ARSJ: variants seen among roughly 807,000 people sequenced by gnomAD.
ARSJ encodes arylsulfatase family member J, also known as arylsulfatase J.
In ARSJ, 26 loss-of-function variants were observed where a neutral mutation model predicts 35.9. That is an observed-to-expected ratio of 0.72 (90% CI 0.53 to 1.00). The LOEUF (loss-of-function observed/expected upper bound fraction) is 1.00. Ranked by LOEUF, ARSJ falls within the 50% of genes least tolerant of loss-of-function variation. ARSJ has a pLI of 0.00. For synonymous variants in ARSJ, 294 were observed against 267.6 expected, an observed-to-expected ratio of 1.10 and a Z score of -0.96; for missense variants, 667 against 723.6, an observed-to-expected ratio of 0.92 and a Z score of 0.90.
chr4:113,967,915 CTT>C (rs1562376473), intron 1 of ARSJ, among the ~76,000 whole-genome samples: 1 of 152,106 alleles, frequency 6.6e-6, no homozygotes, highest in Non-Finnish European at 1.5e-5. Context: ...TCATAAAACA[CTT>C]AACATAGTTT....
rs529842592 is a variant in ARSJ at position 113,907,128 on chromosome 4, G to A, written c.399-3453C>T. Among the ~76,000 whole-genome samples, 18 of 152,216 alleles carry A rather than the reference G, an allele frequency of 1.2e-4. No individual in the cohort carries two copies. The South Asian group carries it at 3.7e-3, about 32-fold the overall frequency. On this transcript the variant is annotated intron_variant, in intron 1 of 1. Coordinates refer to ENST00000315366, the MANE Select transcript of ARSJ (RefSeq NM_024590.4). ...TTAAGAGTTAATATCAGTACTTTTTGAAAAATCAAGGAGCAGAGGAAAGAT... is the reference window on the plus strand; with the variant it reads ...TTAAGAGTTAATATCAGTACTTTTTAAAAAATCAAGGAGCAGAGGAAAGAT...
intron 1 of ARSJ, among the ~76,000 whole-genome samples, chr4:113,973,676 C>T (rs183906594): frequency 3.3e-5 from 5 of 152,270 alleles, no homozygotes; most frequent in East Asian, 1.9e-4. Context: ...CGCCCTCTCT[C>T]GTTAAACCTT....
At chr4:113,908,598 A>G (rs551293752) in intron 1 of ARSJ, among the ~76,000 whole-genome samples, 1 of 152,262 alleles carries the variant, frequency 6.6e-6, no homozygotes, top group African/African-American at 2.4e-5. Context: ...ATATAAAGGC[A>G]GTGTGCAAAT....
intron 1 of ARSJ, among the ~76,000 whole-genome samples, chr4:113,940,589 T>G (rs1725089598): frequency 6.6e-6 from 1 of 151,420 alleles, no homozygotes; most frequent in Non-Finnish European, 1.5e-5. Context: ...CAAACCACCG[T>G]GGCACACGTT....
At chr4:113,969,208 T>C (rs1269340909) in intron 1 of ARSJ, among the ~76,000 whole-genome samples, 1 of 152,186 alleles carries the variant, frequency 6.6e-6, no homozygotes, top group Admixed American at 6.5e-5. Flanking sequence ...CTGCCAAACA[T>C]GACAACCAAC....
At position 113,978,607 on chromosome 4, in the gene ARSJ, G is replaced by A; in HGVS notation, c.228C>T (p.Pro76=). Reference sequence around the variant, plus strand: ...CATCCGCTAGGATGAAAATGAGATGGGGCTGGGAGGTGGAAGTTGTGCTGG... The same window carrying A: ...CATCCGCTAGGATGAAAATGAGATGAGGCTGGGAGGTGGAAGTTGTGCTGG... ...LEPSTTSTSQ[P]HLIFILADDQ... is the part of the protein sequence containing the mutation. The change falls in exon 1 of 2, where the codon CCC becomes CCT. Residue 76 remains proline (P), a synonymous_variant. Coordinates refer to ENST00000315366, the MANE Select transcript of ARSJ (RefSeq NM_024590.4). 6.2e-7 allele frequency: 1 copy of A among 1,614,118 alleles called. No individual in the cohort carries two copies. Among genetic ancestry groups the A allele is most frequent in the Middle Eastern group, 1.6e-4 (1 of 6,062 alleles).
rs372977051 is a variant in ARSJ at position 113,903,548 on chromosome 4, T to A, written c.526A>T (p.Lys176Ter). ...TTTCTGTAAAAACCCAAGTGCCATT[T>A]TCCGACCATATGCGTTGAATATCCA... Reference protein sequence around the residue: ...EVGYSTHMVGKWHLGFYRKEC... With the variant: ...EVGYSTHMVG Residue 176 changes from lysine (K) to a stop codon, truncating the protein, a stop_gained, in exon 2 of 2, where the codon AAA (lysine) becomes TAA (stop). Transcript: ENST00000315366. LOFTEE classifies it high-confidence loss of function. The A allele has an allele frequency of 6.7e-5, 108 of 1,614,106 alleles. No homozygotes were observed. The highest frequency in any genetic ancestry group is 8.6e-5 in the Non-Finnish European group (102 of 1,180,038).
intron 1 of ARSJ, among the ~76,000 whole-genome samples, chr4:113,908,519 T>G (rs1262339932): frequency 2.0e-5 from 3 of 152,182 alleles, no homozygotes; most frequent in Admixed American, 1.3e-4. Context: ...ATCTGAGAAG[T>G]TGAATATATC....
chr4:113,905,067 G>T (rs2099668308), intron 1 of ARSJ, among the ~76,000 whole-genome samples: 1 of 152,046 alleles, frequency 6.6e-6, no homozygotes, highest in Admixed American at 6.5e-5. Flanking sequence ...CTTTCCAGTG[G>T]TATTTGCCAA....
chr4:113,931,061 A>T (rs1724414793), intron 1 of ARSJ, among the ~76,000 whole-genome samples: 1 of 152,052 alleles, frequency 6.6e-6, no homozygotes, highest in African/African-American at 2.4e-5. Flanking sequence ...GCATTGGGAG[A>T]TATACCTAAT....
At chr4:113,948,505 A>G (rs773543615) in intron 1 of ARSJ, among the ~76,000 whole-genome samples, 7 of 152,122 alleles carry the variant, frequency 4.6e-5, no homozygotes, top group Non-Finnish European at 7.4e-5. Context: ...AGGCAGCTTT[A>G]TTTATTTTAA....
intron 1 of ARSJ, among the ~76,000 whole-genome samples, chr4:113,942,477 T>A: frequency 6.6e-6 from 1 of 152,022 alleles, no homozygotes; most frequent in East Asian, 1.9e-4. Flanking sequence ...CCAAATAAAC[T>A]CCAAACAATA....
intron 1 of ARSJ, among the ~76,000 whole-genome samples, chr4:113,955,536 G>C (rs1427473653): frequency 6.6e-6 from 1 of 151,882 alleles, no homozygotes; most frequent in African/African-American, 2.4e-5. Flanking sequence ...ACTACTATTA[G>C]GATGCAGTCG....
At chr4:113,928,476 T>C (rs1470199989) in intron 1 of ARSJ, among the ~76,000 whole-genome samples, 1 of 152,162 alleles carries the variant, frequency 6.6e-6, no homozygotes, top group African/African-American at 2.4e-5. Flanking sequence ...TTTCTCACTA[T>C]ATAAATTAAG....
At chr4:113,951,149 AT>A (rs771267140) in intron 1 of ARSJ, among the ~76,000 whole-genome samples, 2 of 152,220 alleles carry the variant, frequency 1.3e-5, no homozygotes, top group East Asian at 3.9e-4. Context: ...TGCTTCCAAT[AT>A]GGGGAAGTTC....
intron 1 of ARSJ, among the ~76,000 whole-genome samples, chr4:113,969,964 T>C (rs1032305572): frequency 5.9e-5 from 9 of 152,214 alleles, no homozygotes; most frequent in Non-Finnish European, 2.9e-5. Context: ...TGGAAAATCA[T>C]GCCTAATGAG....
In ARSJ at chr4:113,977,050, A is replaced by C. The variant is rs541286739; in HGVS notation, c.398+1387T>G. On this transcript the variant is annotated intron_variant, in intron 1 of 1. Coordinates refer to ENST00000315366, the MANE Select transcript of ARSJ (RefSeq NM_024590.4). ...CAGTTGGCTATCTGTGTAAATCTAAATTCTATAAGTTAGTTGAAGAGGTCC... is the reference window on the plus strand; with the variant it reads ...CAGTTGGCTATCTGTGTAAATCTAACTTCTATAAGTTAGTTGAAGAGGTCC... Among the ~76,000 whole-genome samples the C allele has an allele frequency of 9.2e-5, 14 of 152,346 alleles. No homozygotes were observed. The South Asian group carries it at 2.7e-3, about 29-fold the overall frequency.
At chr4:113,966,864 C>A (rs1428756971) in intron 1 of ARSJ, among the ~76,000 whole-genome samples, 1 of 152,158 alleles carries the variant, frequency 6.6e-6, no homozygotes, top group African/African-American at 2.4e-5. Flanking sequence ...ATTCAGCACT[C>A]TGACAGGGTC....
chr4:113,929,214 T>A (rs1724271831), intron 1 of ARSJ, among the ~76,000 whole-genome samples: 1 of 151,936 alleles, frequency 6.6e-6, no homozygotes, highest in African/African-American at 2.4e-5. Flanking sequence ...GTGTAGAGCA[T>A]CTCCTCATGG....
Sources: gnomAD v4.1 joint callset for allele counts (sites outside exome capture counted in the v4.1 genomes callset) on GRCh38, gnomAD v4.1.1 for gene constraint, MANE v1.5 for transcripts, NCBI Gene and HGNC (gene_info 2026-07-23, HGNC 2026-07-21) for gene names.